NPSR1: variants seen among roughly 807,000 people sequenced by gnomAD.
NPSR1 encodes neuropeptide S receptor.
NPSR1 carries 48 observed loss-of-function variants against 46.9 expected under a neutral mutation model. That is an observed-to-expected ratio of 1.02 (90% CI 0.81 to 1.30). The LOEUF is 1.30. NPSR1 is among the 50% of genes most tolerant of loss of function. The pLI is 0.00. For synonymous variants in NPSR1, 176 were observed against 168.1 expected, an observed-to-expected ratio of 1.05 and a Z score of -0.36; for missense variants, 450 against 449.5, an observed-to-expected ratio of 1.00 and a Z score of -0.01.
chr7:34,750,687 C>T (rs1785472626), intron 2 of NPSR1: 1 of 703,258 alleles, frequency 1.4e-6, no homozygotes. Flanking sequence ...AAGATGGACT[C>T]ATCTGACAGT....
At chr7:34,759,493 G>A (rs1786048527) in intron 2 of NPSR1, among the ~76,000 whole-genome samples, 1 of 152,108 alleles carries the variant, frequency 6.6e-6, no homozygotes, top group Non-Finnish European at 1.5e-5. Context: ...GCGTGTTTCT[G>A]TTGACATGTT....
At position 34,730,121 on chromosome 7, in the gene NPSR1, CACAAGTTTACTGAGTG is replaced by C. The variant is rs1784354052; in HGVS notation, c.280+45441_280+45456del. Among the ~76,000 whole-genome samples the C allele has an allele frequency of 2.0e-5, 3 of 152,130 alleles. No individual in the cohort carries two copies. The South Asian group carries it at 6.2e-4, about 32-fold the overall frequency. On this transcript the variant is annotated intron_variant, in intron 2 of 8. Coordinates refer to ENST00000360581, the MANE Select transcript of NPSR1 (RefSeq NM_207172.2). Reference sequence around the variant, plus strand: ...GTGATGACTTACATGAAGAAAATCGCACAAGTTTACTGAGTGACATTTTAAAACTTTAATAATTGAA... The same window carrying C: ...GTGATGACTTACATGAAGAAAATCGCACATTTTAAAACTTTAATAATTGAA...
intron 3 of NPSR1, among the ~76,000 whole-genome samples, chr7:34,803,756 G>GAA (rs77357385): frequency 7.3e-5 from 10 of 137,220 alleles, no homozygotes; most frequent in African/African-American, 1.6e-4. Flanking sequence ...AGCATGAGTA[G>GAA]AAAAAAAAAA....
chr7:34,717,342 T>C (rs973657297), intron 2 of NPSR1, among the ~76,000 whole-genome samples: 3 of 152,180 alleles, frequency 2.0e-5, no homozygotes, highest in Non-Finnish European at 1.5e-5. Flanking sequence ...ATGTTGGTCA[T>C]GCTGGTCTCA....
chr7:34,864,952 C>T (rs1446387816), intron 8 of NPSR1, among the ~76,000 whole-genome samples: 3 of 151,788 alleles, frequency 2.0e-5, no homozygotes, highest in Non-Finnish European at 4.4e-5. Context: ...TAACTCTGTT[C>T]ATGTCATTGA....
rs138829931 is a variant in NPSR1 at position 34,803,502 on chromosome 7, G to T, written c.385-8268G>T. Among the ~76,000 whole-genome samples the T allele has an allele frequency of 6.4e-4, 97 of 151,924 alleles. 1 individual carries two copies. The highest frequency in any genetic ancestry group is 2.1e-3 in the African/African-American group (88 of 41,428). ...AAACACCGCAGGTTCGCACTCATAG[G>T]TGGGAATTGGACAATGAGAACACAT... On this transcript the variant is annotated intron_variant, in intron 3 of 8. Coordinates refer to ENST00000360581, the MANE Select transcript of NPSR1 (RefSeq NM_207172.2).
intron 6 of NPSR1, among the ~76,000 whole-genome samples, chr7:34,841,724 T>C (rs1790572300): frequency 6.6e-6 from 1 of 152,330 alleles, no homozygotes; most frequent in Non-Finnish European, 1.5e-5. Flanking sequence ...ATGATTATAC[T>C]GTCACCCAGT....
At chr7:34,711,164 TATATTGCACGAGGGTACCCAAACCTGA>T in intron 2 of NPSR1, 1 of 229,616 alleles carries the variant, frequency 4.4e-6, no homozygotes, top group Non-Finnish European at 8.8e-6. Flanking sequence ...TGTAGAACCA[TATATTGCACGAGGGTACCCAAACCTGA>T]AGTCATTAAA....
chr7:34,846,870 A>T (rs1443830340), intron 7 of NPSR1, among the ~76,000 whole-genome samples: 1 of 152,234 alleles, frequency 6.6e-6, no homozygotes, highest in Admixed American at 6.5e-5. Context: ...TCTCCTCTAC[A>T]TGAATGGACA....
chr7:34,711,058 G>T, intron 2 of NPSR1: 1 of 335,856 alleles, frequency 3.0e-6, no homozygotes, highest in Non-Finnish European at 5.9e-6. Context: ...TCAATGATGT[G>T]AGCCCAAAGG....
In NPSR1 at chr7:34,683,678, G is replaced by A. The variant is rs1328237038; in HGVS notation, c.148-874G>A. ...TGCATCATTCCATGGCAGAAAGTGA[G>A]AGGGTGAGAGAGGGACAAGGGAGGG... On this transcript the variant is annotated intron_variant, in intron 1 of 8. Transcript: ENST00000360581. Among the ~76,000 whole-genome samples, 2 of 152,106 alleles carry A rather than the reference G, an allele frequency of 1.3e-5. 1 individual carries two copies. Among genetic ancestry groups the A allele is most frequent in the Non-Finnish European group, 2.9e-5 (2 of 68,028 alleles).
chr7:34,722,828 T>C (rs1783930194), intron 2 of NPSR1, among the ~76,000 whole-genome samples: 1 of 152,164 alleles, frequency 6.6e-6, no homozygotes, highest in African/African-American at 2.4e-5. Flanking sequence ...CTTGAGCCAC[T>C]AGAAGATCAG....
At chr7:34,765,381 T>C (rs1220918835) in intron 2 of NPSR1, among the ~76,000 whole-genome samples, 2 of 151,954 alleles carry the variant, frequency 1.3e-5, no homozygotes, top group Non-Finnish European at 2.9e-5. Context: ...TTACAATGAA[T>C]AAGAAAAATA....
At chr7:34,751,074 T>G in intron 2 of NPSR1, 1 of 790,410 alleles carries the variant, frequency 1.3e-6, no homozygotes, top group East Asian at 2.4e-5. Flanking sequence ...CACCTGCCCC[T>G]TTACCTTCAC....
At chr7:34,872,881 A>C (rs1203276819) in intron 8 of NPSR1, among the ~76,000 whole-genome samples, 1 of 151,810 alleles carries the variant, frequency 6.6e-6, no homozygotes, top group African/African-American at 2.4e-5. Flanking sequence ...CTAGCATGAA[A>C]ATTTTCCAAA....
intron 2 of NPSR1, among the ~76,000 whole-genome samples, chr7:34,720,503 G>A (rs1783801647): frequency 6.6e-6 from 1 of 152,162 alleles, no homozygotes; most frequent in South Asian, 2.1e-4. Context: ...GATGCAATGT[G>A]TAGTTCCCCA....
intron 2 of NPSR1, among the ~76,000 whole-genome samples, chr7:34,686,369 G>T (rs1583807559): frequency 6.6e-6 from 1 of 152,242 alleles, no homozygotes. Context: ...AATGGTCTGA[G>T]ATTGAATTTA....
intron 2 of NPSR1, among the ~76,000 whole-genome samples, chr7:34,697,441 TAG>T (rs150231102): frequency 0.019 from 2,891 of 152,008 alleles, 40 homozygotes; most frequent in African/African-American, 0.038. Flanking sequence ...TGTTTATATA[TAG>T]AGTTATTCCC....
intron 8 of NPSR1, among the ~76,000 whole-genome samples, chr7:34,862,052 C>T (rs1460207881): frequency 6.6e-6 from 1 of 151,878 alleles, no homozygotes. Flanking sequence ...TGCACCTGCA[C>T]CCTTTGTTTC....
Sources: gnomAD v4.1 joint callset for allele counts (sites outside exome capture counted in the v4.1 genomes callset) on GRCh38, gnomAD v4.1.1 for gene constraint, MANE v1.5 for transcripts, NCBI Gene and HGNC (gene_info 2026-07-23, HGNC 2026-07-21) for gene names.